The following RSRC1 variants were observed in gnomAD, a reference collection of about 807,000 sequenced individuals.
The protein encoded by RSRC1 is arginine and serine rich coiled-coil 1.
Under a neutral mutation model 49.1 loss-of-function variants are expected in RSRC1, and 39 were observed. The observed-to-expected ratio is 0.79, with a 90% CI of 0.61 to 1.04. The LOEUF is 1.04. Ranked by LOEUF, RSRC1 falls within the 50% of genes least tolerant of loss-of-function variation. The pLI, the probability that RSRC1 is intolerant of heterozygous loss-of-function variation, is 0.00. For missense variants in RSRC1, 388 were observed against 402.4 expected (o/e 0.96, Z 0.31); for synonymous variants, 143 against 130.8 (o/e 1.09, Z -0.63).
chr3:158,202,562 T>TTATATGTATATATATA (rs1553768416), intron 3 of RSRC1, among the ~76,000 whole-genome samples: 6 of 92,024 alleles, frequency 6.5e-5, no homozygotes, highest in African/African-American at 3.2e-4. Context: ...GTCTGGTAGA[T>TTATATGTATATATATA]TATATATATA....
chr3:158,456,808 G>T (rs1420779336), intron 6 of RSRC1, among the ~76,000 whole-genome samples: 1 of 152,110 alleles, frequency 6.6e-6, no homozygotes, highest in Non-Finnish European at 1.5e-5. Context: ...GAAGTAGTAA[G>T]TGATGACATT....
At chr3:158,437,938 TCTCCTTCAGCTGATAAA>T (rs1473017372) in intron 6 of RSRC1, among the ~76,000 whole-genome samples, 17 of 152,058 alleles carry the variant, frequency 1.1e-4, no homozygotes, top group African/African-American at 3.9e-4. Context: ...CAGCCCAAAA[TCTCCTTCAGCTGATAAA>T]CAACTTCAGC....
intron 3 of RSRC1, among the ~76,000 whole-genome samples, chr3:158,160,124 A>G (rs1328690771): frequency 6.6e-6 from 1 of 152,150 alleles, no homozygotes; most frequent in African/African-American, 2.4e-5. Context: ...GAATTTTATA[A>G]TGAATATGAG....
At chr3:158,471,248 T>C (rs1414384696) in intron 7 of RSRC1, among the ~76,000 whole-genome samples, 3 of 152,192 alleles carry the variant, frequency 2.0e-5, no homozygotes, top group Non-Finnish European at 4.4e-5. Flanking sequence ...GGATATAAAC[T>C]GCAGGCAGAA....
intron 3 of RSRC1, among the ~76,000 whole-genome samples, chr3:158,162,511 C>T (rs138787051): frequency 1.9e-3 from 295 of 152,186 alleles, no homozygotes; most frequent in African/African-American, 6.4e-3. Flanking sequence ...CAATTTAAAT[C>T]CTAATCAAAT....
At chr3:158,155,528 A>G (rs1039354599) in intron 3 of RSRC1, among the ~76,000 whole-genome samples, 1 of 151,370 alleles carries the variant, frequency 6.6e-6, no homozygotes. Flanking sequence ...TCTACCTCTC[A>G]GGCTGAAGTG....
intron 3 of RSRC1, among the ~76,000 whole-genome samples, chr3:158,191,168 C>T (rs780658111): frequency 1.3e-5 from 2 of 151,854 alleles, no homozygotes; most frequent in East Asian, 1.9e-4. Context: ...CTTTCCAAAG[C>T]GCATCACTCC....
At chr3:158,360,565 T>A (rs1483373051) in intron 6 of RSRC1, among the ~76,000 whole-genome samples, 1 of 152,236 alleles carries the variant, frequency 6.6e-6, no homozygotes, top group African/African-American at 2.4e-5. Flanking sequence ...CACCTTCAGC[T>A]TCAGCCGTAA....
chr3:158,243,590 T>A (rs1723717223), intron 4 of RSRC1, among the ~76,000 whole-genome samples: 1 of 152,170 alleles, frequency 6.6e-6, no homozygotes, highest in Non-Finnish European at 1.5e-5. Context: ...TGAATGTCAG[T>A]GGTAGTTTGA....
intron 6 of RSRC1, among the ~76,000 whole-genome samples, chr3:158,446,194 AT>A (rs1736701534): frequency 6.6e-6 from 1 of 152,052 alleles, no homozygotes; most frequent in African/African-American, 2.4e-5. Flanking sequence ...TAGAGGGCAG[AT>A]TTTCACTCTC....
At chr3:158,459,401 G>A (rs180993473) in intron 6 of RSRC1, among the ~76,000 whole-genome samples, 1 of 152,084 alleles carries the variant, frequency 6.6e-6, no homozygotes, top group Non-Finnish European at 1.5e-5. Flanking sequence ...GTTAATGGAG[G>A]TTCTTGAAAT....
intron 6 of RSRC1, among the ~76,000 whole-genome samples, chr3:158,393,351 C>T (rs1203718822): frequency 6.6e-6 from 1 of 151,696 alleles, no homozygotes; most frequent in Non-Finnish European, 1.5e-5. Flanking sequence ...AACACACACA[C>T]ACACAAAAAA....
At chr3:158,225,125 A>T (rs1246237641) in intron 4 of RSRC1, among the ~76,000 whole-genome samples, 1 of 151,890 alleles carries the variant, frequency 6.6e-6, no homozygotes, top group African/African-American at 2.4e-5. Flanking sequence ...TATTTTTTAC[A>T]GATCATCATG....
intron 6 of RSRC1, among the ~76,000 whole-genome samples, chr3:158,417,586 A>G (rs1734814332): frequency 6.6e-6 from 1 of 151,990 alleles, no homozygotes; most frequent in African/African-American, 2.4e-5. Context: ...TGCAAATTTT[A>G]TAGTGCATCT....
intron 7 of RSRC1, among the ~76,000 whole-genome samples, chr3:158,499,892 G>A (rs6805739): frequency 0.41 from 62,743 of 151,854 alleles, 13,058 homozygotes; most frequent in South Asian, 0.49. Flanking sequence ...CTATGACTTC[G>A]AGTACTATGT....
intron 7 of RSRC1, among the ~76,000 whole-genome samples, chr3:158,474,656 C>T (rs913055914): frequency 6.6e-6 from 1 of 151,888 alleles, no homozygotes; most frequent in East Asian, 1.9e-4. Flanking sequence ...CAGCCACTTT[C>T]TCTGCTCATC....
chr3:158,174,358 CTT>C (rs1263866157), intron 3 of RSRC1, among the ~76,000 whole-genome samples: 3 of 151,760 alleles, frequency 2.0e-5, no homozygotes, highest in Non-Finnish European at 4.4e-5. Context: ...TTATTTAAAA[CTT>C]TTTATTCAAG....
intron 5 of RSRC1, among the ~76,000 whole-genome samples, chr3:158,345,433 G>A (rs568104737): frequency 3.2e-4 from 49 of 152,162 alleles, no homozygotes; most frequent in African/African-American, 1.2e-3. Flanking sequence ...AGGTAAAAAT[G>A]GTGGAAAAAG....
intron 3 of RSRC1, among the ~76,000 whole-genome samples, chr3:158,131,486 T>A (rs62288316): frequency 6.6e-6 from 1 of 152,184 alleles, no homozygotes; most frequent in South Asian, 2.1e-4. Context: ...ATTGAAATAA[T>A]GTGGATATGT....
Sources: allele counts gnomAD v4.1 joint callset (sites outside exome capture counted in the v4.1 genomes callset), GRCh38; gene constraint gnomAD v4.1.1; transcripts MANE v1.5; gene names NCBI Gene and HGNC (gene_info 2026-07-23, HGNC 2026-07-21).